The following CREB5 variants were observed in gnomAD, a reference collection of about 807,000 sequenced individuals.
CREB5 encodes the protein cAMP responsive element binding protein 5.
In CREB5, 19 loss-of-function variants were observed where a neutral mutation model predicts 57.1. The observed-to-expected ratio is 0.33, with a 90% CI of 0.23 to 0.49. The LOEUF (loss-of-function observed/expected upper bound fraction) is 0.49. Among genes scored for constraint, CREB5 ranks in the 20% least tolerant of loss-of-function variants. The pLI is 0.99. For missense variants in CREB5, 579 were observed against 671.6 expected (o/e 0.86, Z 1.52); for synonymous variants, 238 against 238.3 (o/e 1.00, Z 0.01).
intron 4 of CREB5, among the ~76,000 whole-genome samples, chr7:28,547,144 G>A (rs1794452771): frequency 6.6e-6 from 1 of 152,196 alleles, no homozygotes; most frequent in African/African-American, 2.4e-5. Flanking sequence ...GCTTTTTCAA[G>A]ATCACCATTC....
intron 4 of CREB5, among the ~76,000 whole-genome samples, chr7:28,566,121 GC>G (rs779236603): frequency 1.2e-4 from 18 of 152,046 alleles, no homozygotes; most frequent in Non-Finnish European, 2.4e-4. Flanking sequence ...AAATGTGGTG[GC>G]CAAATGTGGC....
intron 1 of CREB5, among the ~76,000 whole-genome samples, chr7:28,338,983 T>C (rs1437075634): frequency 6.6e-6 from 1 of 152,072 alleles, no homozygotes; most frequent in African/African-American, 2.4e-5. Context: ...TATTTCATTC[T>C]CTTTGTTAAA....
At chr7:28,438,717 T>C (rs77992015) in intron 1 of CREB5, among the ~76,000 whole-genome samples, 2,611 of 152,284 alleles carry the variant, frequency 0.017, 87 homozygotes, top group African/African-American at 0.059. Context: ...ATCTCTGTTA[T>C]TACATTCACA....
intron 5 of CREB5, among the ~76,000 whole-genome samples, chr7:28,713,177 C>T (rs183332542): frequency 5.8e-4 from 89 of 152,306 alleles, no homozygotes; most frequent in Non-Finnish European, 1.0e-3. Flanking sequence ...CTGTGTCTCC[C>T]AAGTAGCTGG....
chr7:28,786,964 TA>T (rs1458587046), intron 7 of CREB5, among the ~76,000 whole-genome samples: 6 of 152,120 alleles, frequency 3.9e-5, no homozygotes, highest in Non-Finnish European at 7.4e-5. Flanking sequence ...GAATATAGTG[TA>T]AAAACCATGT....
At chr7:28,684,405 G>A (rs1800748041) in intron 5 of CREB5, among the ~76,000 whole-genome samples, 3 of 152,196 alleles carry the variant, frequency 2.0e-5, no homozygotes, top group African/African-American at 7.2e-5. Context: ...TCAAGCCAAA[G>A]GGCAGCTTGC....
intron 4 of CREB5, among the ~76,000 whole-genome samples, chr7:28,539,232 G>C (rs1176792000): frequency 6.6e-6 from 1 of 152,190 alleles, no homozygotes; most frequent in Non-Finnish European, 1.5e-5. Flanking sequence ...CTGGCACATA[G>C]TAAATACTCA....
At chr7:28,783,835 C>G (rs6976396) in intron 7 of CREB5, among the ~76,000 whole-genome samples, 1 of 152,112 alleles carries the variant, frequency 6.6e-6, no homozygotes, top group African/African-American at 2.4e-5. Context: ...AAAGCAGGCC[C>G]TTGATAAACT....
intron 7 of CREB5, among the ~76,000 whole-genome samples, chr7:28,747,085 C>CT (rs3216232): frequency 0.13 from 19,597 of 145,918 alleles, 1,460 homozygotes; most frequent in Admixed American, 0.18. Context: ...AGAAACAAGA[C>CT]TTTTTTTTTT....
At chr7:28,518,648 T>C (rs896926250) in intron 4 of CREB5, among the ~76,000 whole-genome samples, 1 of 152,170 alleles carries the variant, frequency 6.6e-6, no homozygotes, top group African/African-American at 2.4e-5. Flanking sequence ...CCCACTTGGT[T>C]GGTCTCCAAA....
chr7:28,319,070 T>G (rs1026656272), intron 1 of CREB5, among the ~76,000 whole-genome samples: 8 of 152,180 alleles, frequency 5.3e-5, no homozygotes, highest in Non-Finnish European at 1.0e-4. Flanking sequence ...TCCAATACTC[T>G]TTTCTGGTTT....
At chr7:28,607,961 G>A (rs1043707608) in intron 5 of CREB5, among the ~76,000 whole-genome samples, 14 of 152,048 alleles carry the variant, frequency 9.2e-5, no homozygotes, top group African/African-American at 2.9e-4. Flanking sequence ...ACTGAACAGC[G>A]CCGTACATGG....
intron 5 of CREB5, among the ~76,000 whole-genome samples, chr7:28,631,605 A>C (rs1329966407): frequency 6.6e-6 from 1 of 152,164 alleles, no homozygotes; most frequent in African/African-American, 2.4e-5. Flanking sequence ...TCTATCACCC[A>C]GGCTGGAGTG....
chr7:28,387,076 C>A (rs551156207), intron 1 of CREB5, among the ~76,000 whole-genome samples: 9 of 152,170 alleles, frequency 5.9e-5, no homozygotes, highest in Non-Finnish European at 1.2e-4. Flanking sequence ...GATTTATATT[C>A]CTTTGGGTAT....
intron 4 of CREB5, among the ~76,000 whole-genome samples, chr7:28,546,189 A>C (rs1414691691): frequency 6.6e-6 from 1 of 152,226 alleles, no homozygotes; most frequent in East Asian, 1.9e-4. Flanking sequence ...TAATGTTGTC[A>C]AGGTTCATCC....
chr7:28,523,383 T>A (rs2128617514), intron 4 of CREB5, among the ~76,000 whole-genome samples: 1 of 152,290 alleles, frequency 6.6e-6, no homozygotes, highest in Middle Eastern at 3.4e-3. Flanking sequence ...CGAAAAACGT[T>A]TATTGAGGTC....
intron 7 of CREB5, among the ~76,000 whole-genome samples, chr7:28,795,840 C>G (rs991990431): frequency 6.6e-6 from 1 of 151,028 alleles, no homozygotes; most frequent in Admixed American, 6.6e-5. Flanking sequence ...GCAACCTCCA[C>G]CGCCCGGAAT....
intron 4 of CREB5, among the ~76,000 whole-genome samples, chr7:28,569,892 G>T (rs1346320427): frequency 6.7e-6 from 1 of 149,204 alleles, no homozygotes; most frequent in Non-Finnish European, 1.5e-5. Context: ...TGGAAAGGTA[G>T]TCGTTTTCTT....
chr7:28,690,177 C>T (rs1322891944), intron 5 of CREB5, among the ~76,000 whole-genome samples: 3 of 152,180 alleles, frequency 2.0e-5, no homozygotes, highest in African/African-American at 4.8e-5. Context: ...TTCCCTTGGA[C>T]ATGGCCTGTC....
Sources: gnomAD v4.1 joint callset for allele counts (sites outside exome capture counted in the v4.1 genomes callset) on GRCh38, gnomAD v4.1.1 for gene constraint, MANE v1.5 for transcripts, NCBI Gene and HGNC (gene_info 2026-07-23, HGNC 2026-07-21) for gene names.